BOLL: variants seen among roughly 807,000 people sequenced by gnomAD.
The protein encoded by BOLL is protein boule-like.
Under a neutral mutation model 44.4 loss-of-function variants are expected in BOLL, and 23 were observed. That is an observed-to-expected ratio of 0.52 (90% CI 0.37 to 0.73). The LOEUF (loss-of-function observed/expected upper bound fraction) is 0.73. Among genes scored for constraint, BOLL ranks in the 30% least tolerant of loss-of-function variants. The probability of loss-of-function intolerance (pLI) is 0.00; values close to 1 mark genes in which losing one functional copy is unlikely to be tolerated. For missense variants in BOLL, 287 were observed against 338.3 expected, an observed-to-expected ratio of 0.85 and a Z score of 1.19; for synonymous variants, 97 against 110.8, an observed-to-expected ratio of 0.88 and a Z score of 0.78.
intron 2 of BOLL, among the ~76,000 whole-genome samples, chr2:197,781,117 C>A (rs965922724): frequency 6.6e-6 from 1 of 151,794 alleles, no homozygotes; most frequent in Non-Finnish European, 1.5e-5. Flanking sequence ...ATTTTGGCAC[C>A]CAGGTACTAA....
chr2:197,732,316 C>T (rs1687228532), intron 10 of BOLL, among the ~76,000 whole-genome samples: 1 of 151,952 alleles, frequency 6.6e-6, no homozygotes, highest in South Asian at 2.1e-4. Context: ...TGGCAATAAT[C>T]AATAGCTTAC....
chr2:197,740,054 T>C (rs1687662812), intron 10 of BOLL, among the ~76,000 whole-genome samples: 1 of 152,228 alleles, frequency 6.6e-6, no homozygotes, highest in African/African-American at 2.4e-5. Context: ...GAGTAATGTT[T>C]AGTAACACTA....
Position 197,745,600 on chromosome 2 carries a change from A to T in BOLL, c.730-2441T>A, listed in dbSNP as rs551021576. 2.0e-5 allele frequency among the ~76,000 whole-genome samples: 3 copies of T among 152,356 alleles called. 1 individual carries two copies. The South Asian group carries it at 6.2e-4, about 32-fold the overall frequency. On this transcript the variant is annotated intron_variant, in intron 9 of 10. Transcript: ENST00000392296. ...AAAAATCAAATGTAAAAGCATTCTT[A>T]TCTCACTACCTGCTCCTGGCAAACC...
intron 3 of BOLL, among the ~76,000 whole-genome samples, chr2:197,778,491 T>C (rs1329881631): frequency 6.6e-6 from 1 of 151,900 alleles, no homozygotes; most frequent in African/African-American, 2.4e-5. Context: ...TCAATTTTCA[T>C]TATCATTGAT....
chr2:197,741,467 G>A (rs529794776), intron 10 of BOLL, among the ~76,000 whole-genome samples: 2 of 151,982 alleles, frequency 1.3e-5, no homozygotes, highest in African/African-American at 4.8e-5. Context: ...AACAGAGATA[G>A]AGACCAATGG....
chr2:197,778,684 C>A (rs1689627576), intron 3 of BOLL, among the ~76,000 whole-genome samples: 2 of 151,782 alleles, frequency 1.3e-5, no homozygotes, highest in East Asian at 3.9e-4. Context: ...CATTCCTCAG[C>A]TAATGTACAT....
intron 10 of BOLL, among the ~76,000 whole-genome samples, chr2:197,729,217 C>T (rs1025115753): frequency 2.6e-5 from 4 of 152,136 alleles, no homozygotes; most frequent in East Asian, 1.9e-4. Context: ...GGGTGATGGA[C>T]GGCACCTGGA....
At chr2:197,736,752 A>G (rs552339270) in intron 10 of BOLL, among the ~76,000 whole-genome samples, 3 of 152,208 alleles carry the variant, frequency 2.0e-5, no homozygotes, top group South Asian at 2.1e-4. Flanking sequence ...TTTGATTTGT[A>G]AATTCAAGTC....
At position 197,781,837 on chromosome 2, in the gene BOLL, G is replaced by T. The variant is rs1208798087; in HGVS notation, c.14C>A (p.Ser5Ter). Residue 5 changes from serine to a stop codon, truncating the protein, a stop_gained, in exon 2 of 11, where the codon TCA (serine) becomes TAA (stop). Coordinates refer to ENST00000392296, the MANE Select transcript of BOLL (RefSeq NM_033030.6). LOFTEE classifies it high-confidence loss of function. ...CACAGGATTAGGGGATGGAGATAATGAATCTGTTTGCATCTGGTTTGATGT... is the reference window on the plus strand; with the variant it reads ...CACAGGATTAGGGGATGGAGATAATTAATCTGTTTGCATCTGGTTTGATGT... MQTD[S>*]LSPSPNPVSP... The T allele has an allele frequency of 6.2e-7, 1 of 1,602,978 alleles. No homozygotes were observed. The highest frequency in any genetic ancestry group is 8.5e-7 in the Non-Finnish European group (1 of 1,172,594).
intron 10 of BOLL, among the ~76,000 whole-genome samples, chr2:197,735,037 T>C (rs916320424): frequency 6.6e-6 from 1 of 152,148 alleles, no homozygotes; most frequent in Admixed American, 6.6e-5. Context: ...AAATACACTG[T>C]ACATTCTTAC....
intron 9 of BOLL, among the ~76,000 whole-genome samples, chr2:197,746,987 T>TTACA (rs1688017064): frequency 7.9e-5 from 12 of 151,134 alleles, no homozygotes; most frequent in Admixed American, 7.9e-4. Context: ...TGGTCAAAGG[T>TTACA]TACAGGGTTT....
chr2:197,778,393 T>C (rs1369723493), intron 3 of BOLL, among the ~76,000 whole-genome samples: 1 of 151,934 alleles, frequency 6.6e-6, no homozygotes, highest in Non-Finnish European at 1.5e-5. Context: ...AAACTATCTT[T>C]TTCCTTTCTG....
Position 197,743,096 on chromosome 2 carries a change from T to C in BOLL, c.793A>G (p.Met265Val), listed in dbSNP as rs759218045. The C allele has an allele frequency of 1.2e-5, 19 of 1,605,990 alleles. No homozygotes were observed. Among genetic ancestry groups the C allele is most frequent in the Admixed American group, 1.7e-5 (1 of 58,346 alleles). Residue 265 changes from methionine (M) to valine (V), a missense_variant, in exon 10 of 11, where the codon ATG (methionine) becomes GTG (valine). Met to Val is a conservative substitution (Grantham distance 21). Coordinates refer to ENST00000392296, the MANE Select transcript of BOLL (RefSeq NM_033030.6). ...TCAGGCTGCATCACAGGCGCAGGCA[T>C]AGTGATGGCACTTGGAGCATAAACC... ...HQVYAPSAIT[M>V]PAPVMQPEPI...
chr2:197,731,697 C>T (rs1337587577), intron 10 of BOLL, among the ~76,000 whole-genome samples: 1 of 151,968 alleles, frequency 6.6e-6, no homozygotes, highest in South Asian at 2.1e-4. Context: ...AACTGAACAA[C>T]CTGCTCCTGA....
intron 9 of BOLL, 92 bp downstream of exon 9, chr2:197,756,336 A>G (rs1688514277): frequency 2.5e-5 from 30 of 1,205,592 alleles, no homozygotes; most frequent in Admixed American, 9.9e-5. Flanking sequence ...AGCAGTTTCA[A>G]TGAGGGTCGT....
intron 9 of BOLL, among the ~76,000 whole-genome samples, chr2:197,753,986 G>C (rs1688384837): frequency 6.6e-6 from 1 of 152,162 alleles, no homozygotes; most frequent in Non-Finnish European, 1.5e-5. Flanking sequence ...GTCCTTTGCA[G>C]GGACATGGAT....
At position 197,756,201 on chromosome 2, in the gene BOLL, C is replaced by T. The variant is rs542494002; in HGVS notation, c.729+227G>A. The stretch of plus-strand genomic sequence containing the variant: ...TCAAAAAGATCAAATCAAAGATTAG[C>T]TTAGTGGAGTGAATGGTTGATTTGG... On this transcript the variant is annotated intron_variant, in intron 9 of 10. Transcript: ENST00000392296. Among the ~76,000 whole-genome samples the T allele has an allele frequency of 3.9e-5, 6 of 152,086 alleles. No homozygotes were observed. In the South Asian group the frequency reaches 1.2e-3, roughly 32 times the overall value.
At chr2:197,758,181 C>T (rs916430153) in intron 7 of BOLL, among the ~76,000 whole-genome samples, 3 of 152,122 alleles carry the variant, frequency 2.0e-5, no homozygotes, top group Non-Finnish European at 2.9e-5. Context: ...AATATGTGTT[C>T]ACATAAAAAT....
Position 197,769,727 on chromosome 2 carries a change from C to T in BOLL, c.480+2128G>A, listed in dbSNP as rs555779974. Among the ~76,000 whole-genome samples the T allele has an allele frequency of 6.3e-3, 963 of 151,902 alleles. 16 individuals carry two copies. The highest frequency in any genetic ancestry group is 0.022 in the African/African-American group (906 of 41,336). On this transcript the variant is annotated intron_variant, in intron 6 of 10. Transcript: ENST00000392296. The stretch of plus-strand genomic sequence containing the variant: ...AATAACAGACAAACAGAGAGCCAAA[C>T]CATGGGTGAACGCCCATTCACAATT...
Sources: allele counts gnomAD v4.1 joint callset (sites outside exome capture counted in the v4.1 genomes callset), GRCh38; gene constraint gnomAD v4.1.1; transcripts MANE v1.5; gene names NCBI Gene and HGNC (gene_info 2026-07-23, HGNC 2026-07-21).